Variants in RNF213 observed in about 807,000 individuals in gnomAD.
RNF213 encodes the protein ring finger protein 213, also known as E3 ubiquitin-protein ligase RNF213.
A neutral mutation model predicts 514.4 loss-of-function variants in RNF213; 341 were observed. The observed-to-expected ratio is 0.66, with a 90% CI of 0.61 to 0.73. The LOEUF is 0.73. Ranked by LOEUF, RNF213 falls within the 30% of genes least tolerant of loss-of-function variation. RNF213 has a pLI of 0.00. For synonymous variants in RNF213, 2,655 were observed against 2,658.2 expected, an observed-to-expected ratio of 1.00 and a Z score of 0.04; for missense variants, 5,767 against 6,615.6, an observed-to-expected ratio of 0.87 and a Z score of 4.45.
intron 2 of RNF213, among the ~76,000 whole-genome samples, chr17:80,266,887 A>C (rs541235763): frequency 6.6e-6 from 1 of 152,314 alleles, no homozygotes; most frequent in East Asian, 1.9e-4. Context: ...ATAGGCTGAT[A>C]GCTAGGCCTC....
At chr17:80,296,940 A>T (rs531364506) in intron 10 of RNF213, among the ~76,000 whole-genome samples, 2 of 151,710 alleles carry the variant, frequency 1.3e-5, no homozygotes, top group East Asian at 4.0e-4. Flanking sequence ...CGACCTCCCA[A>T]AGTGCTGGGA....
rs34163146 is a variant in RNF213, at chr17:80,284,756, C to T, written c.262-3059C>T. 9.4e-3 allele frequency among the ~76,000 whole-genome samples: 1,432 copies of T among 152,248 alleles called. 21 individuals are homozygous for T. Among genetic ancestry groups the T allele is most frequent in the African/African-American group, 0.031 (1,305 of 41,544 alleles). On this transcript the variant is annotated intron_variant, in intron 3 of 67. Coordinates refer to ENST00000582970, the MANE Select transcript of RNF213 (RefSeq NM_001256071.3). ...CATCAGCTGTTTCCCGTTACTCCCT[C>T]GTGCCACACAGTGGCTTCCCCTGTG...
Position 80,336,156 on chromosome 17 carries a change from C to G in RNF213, c.4310-5C>G. 1 of 1,536,664 alleles carries G rather than the reference C, an allele frequency of 6.5e-7. No homozygotes were observed. Among genetic ancestry groups the G allele is most frequent in the South Asian group, 1.2e-5 (1 of 84,048 alleles). On this transcript the variant is annotated splice_region_variant and splice_polypyrimidine_tract_variant and intron_variant, in intron 22 of 67. Transcript: ENST00000582970. ...CACGCTGAACTCCCCTCTTCTCTTC[C>G]CCAGGCATCAATGAGCTGAAGGTGT...
chr17:80,269,574 C>G (rs887287250), intron 2 of RNF213, among the ~76,000 whole-genome samples: 3 of 151,718 alleles, frequency 2.0e-5, no homozygotes, highest in Non-Finnish European at 4.4e-5. Context: ...GTCCATCCAT[C>G]TATACTATCT....
chr17:80,317,338 CATT>C lies in RNF213; in HGVS notation c.2901+63_2901+65del. ...GAAGGCAAGCTGGAGAACCCCAGAC[CATT>C]AGCGACAGCCAAGAGATCTCAGCAG... On this transcript the variant is annotated intron_variant, in intron 16 of 67. Coordinates refer to ENST00000582970, the MANE Select transcript of RNF213 (RefSeq NM_001256071.3). This position sits in a 1 kb window ranked among gnomAD's most constrained non-coding sequence, Gnocchi z 4.1. The C allele has an allele frequency of 6.8e-7, 1 of 1,459,908 alleles. No individual in the cohort carries two copies. Among genetic ancestry groups the C allele is most frequent in the South Asian group, 1.2e-5 (1 of 84,164 alleles). The allele number at this position is 1,459,908 out of a possible 1,614,324, so 90.4% of individuals were successfully genotyped here. A position where few individuals can be genotyped will look rare whatever the true frequency, so the allele number is the denominator to read the frequency against.
intron 11 of RNF213, among the ~76,000 whole-genome samples, chr17:80,301,832 A>G (rs1381660012): frequency 6.6e-6 from 1 of 152,146 alleles, no homozygotes; most frequent in African/African-American, 2.4e-5. Context: ...AGATAGCTGC[A>G]CTCCTATATT....
rs113560778 is a variant in RNF213, at chr17:80,263,107, C to T, written c.-108-467C>T. Reference sequence around the variant, plus strand: ...CTTGGTCTGGTTTGATGCCATCCACCGCAGAGGCTGTTCTGAGGGCAGGTG... The same window carrying T: ...CTTGGTCTGGTTTGATGCCATCCACTGCAGAGGCTGTTCTGAGGGCAGGTG... On this transcript the variant is annotated intron_variant, in intron 1 of 67. Transcript: ENST00000582970. This position sits in a 1 kb window ranked among gnomAD's most constrained non-coding sequence, Gnocchi z 4.9. 3.3e-5 allele frequency among the ~76,000 whole-genome samples: 5 copies of T among 152,314 alleles called. No homozygotes were observed. Among genetic ancestry groups the T allele is most frequent in the African/African-American group, 7.2e-5 (3 of 41,566 alleles).
chr17:80,293,175 GC>G (rs1270659895), intron 8 of RNF213, among the ~76,000 whole-genome samples: 1 of 151,720 alleles, frequency 6.6e-6, no homozygotes, highest in African/African-American at 2.4e-5. Context: ...CTCCCCCTCA[GC>G]CCCCCCAAGT....
At chr17:80,276,770 A>G (rs2044073086) in intron 3 of RNF213, among the ~76,000 whole-genome samples, 1 of 152,124 alleles carries the variant, frequency 6.6e-6, no homozygotes, top group Non-Finnish European at 1.5e-5. Flanking sequence ...AAATTATCCT[A>G]GGCCGGGCGC....
intron 49 of RNF213, among the ~76,000 whole-genome samples, 181 bp downstream of exon 49, chr17:80,373,346 A>C (rs2079603188): frequency 7.2e-6 from 1 of 139,814 alleles, no homozygotes; most frequent in South Asian, 2.5e-4. Context: ...TCACCCTCAC[A>C]CCCAGGGATG....
chr17:80,368,415 A>G (rs1303383570), intron 44 of RNF213, among the ~76,000 whole-genome samples: 1 of 150,458 alleles, frequency 6.6e-6, no homozygotes, highest in East Asian at 1.9e-4. Flanking sequence ...CAGAGGCCCA[A>G]GGAATGTAGA....
intron 67 of RNF213, 126 bp from the exon 68 acceptor site, chr17:80,393,219 G>GACCC (rs2080554632): frequency 1.1e-6 from 1 of 932,948 alleles, no homozygotes; most frequent in African/African-American, 1.6e-5. Context: ...GACCTCCACT[G>GACCC]ACCCACCCAC....
At chr17:80,354,418 C>T (rs2078653903) in intron 35 of RNF213, 23 bp from the exon 36 acceptor site, 5 of 1,614,056 alleles carry the variant, frequency 3.1e-6, no homozygotes, top group Admixed American at 1.7e-5. Context: ...CCATGCTGAA[C>T]GTCTGTTTCT....
intron 20 of RNF213, among the ~76,000 whole-genome samples, chr17:80,331,777 C>T (rs2046423023): frequency 6.6e-6 from 1 of 152,220 alleles, no homozygotes; most frequent in Non-Finnish European, 1.5e-5. Context: ...TGTTTTCCCA[C>T]TGCCATCTTT....
At chr17:80,261,588 GC>G (rs1367835175) in intron 1 of RNF213, among the ~76,000 whole-genome samples, 1 of 152,250 alleles carries the variant, frequency 6.6e-6, no homozygotes, top group Non-Finnish European at 1.5e-5. Context: ...TGGGGGATGG[GC>G]TTTGATTTGG....
At chr17:80,304,177 C>A (rs2045278541) in intron 11 of RNF213, among the ~76,000 whole-genome samples, 1 of 151,946 alleles carries the variant, frequency 6.6e-6, no homozygotes, top group African/African-American at 2.4e-5. Context: ...TGCAGTGAAC[C>A]TTTATTGATA....
chr17:80,290,459 ATGTGTGTGTGCACGTGTGTGTGCGCACG>A (rs1568019442), intron 6 of RNF213, 83 bp from the exon 7 acceptor site: 3 of 1,289,182 alleles, frequency 2.3e-6, no homozygotes, highest in Non-Finnish European at 1.1e-6. Context: ...GTGCGAGTGC[ATGTGTGTGTGCACGTGTGTGTGCGCACG>A]TGTGTGTGTG....
chr17:80,364,414 TGGC>T lies in RNF213; in HGVS notation c.11751-17_11751-15del. 2 of 1,613,880 alleles carry T rather than the reference TGGC, an allele frequency of 1.2e-6. 1 individual carries two copies. Among genetic ancestry groups the T allele is most frequent in the South Asian group, 2.2e-5 (2 of 91,052 alleles). On this transcript the variant is annotated splice_polypyrimidine_tract_variant and intron_variant, in intron 41 of 67. Transcript: ENST00000582970. ...GGTGGGAGCCGAGTGAGTGAGTGAG[TGGC>T]GCCCTCTTTTGACAGAGCCCAGTGG...
At chr17:80,308,799 A>G (rs1450855473) in intron 13 of RNF213, among the ~76,000 whole-genome samples, 1 of 152,218 alleles carries the variant, frequency 6.6e-6, no homozygotes, top group African/African-American at 2.4e-5. Context: ...TGGTTAGAAC[A>G]GTTGAGACTA....
Sources: allele counts gnomAD v4.1 joint callset (sites outside exome capture counted in the v4.1 genomes callset), GRCh38; gene constraint gnomAD v4.1.1; non-coding constraint Gnocchi (gnomAD v3.1); transcripts MANE v1.5; gene names NCBI Gene and HGNC (gene_info 2026-07-23, HGNC 2026-07-21).